The following DENND3 variants were observed in gnomAD, a reference collection of about 807,000 sequenced individuals.
DENND3 encodes DENN domain containing 3, also known as DENN domain-containing protein 3.
Under a neutral mutation model 135.1 loss-of-function variants are expected in DENND3, and 88 were observed. That is an observed-to-expected ratio of 0.65 (90% CI 0.55 to 0.78). The LOEUF (loss-of-function observed/expected upper bound fraction) is 0.78, where lower values mean the gene tolerates loss of function less well. Ranked by LOEUF, DENND3 falls within the 30% of genes least tolerant of loss-of-function variation. DENND3 has a pLI of 0.00. For missense variants in DENND3, 1,392 were observed against 1,688.4 expected (o/e 0.82, Z 3.08); for synonymous variants, 693 against 712.3 (o/e 0.97, Z 0.43).
At chr8:141,136,485 A>G in intron 1 of DENND3, 24 bp from the exon 2 acceptor site, 3 of 1,527,926 alleles carry the variant, frequency 2.0e-6, no homozygotes, top group Non-Finnish European at 2.6e-6. Flanking sequence ...CTGTGGCAGT[A>G]ACTCTTATTT....
rs79092237 is a variant in DENND3 at position 141,157,272 on chromosome 8, A to G, written c.1196+1302A>G. The G allele has an allele frequency of 3.9e-4, 382 of 982,956 alleles. 1 individual carries two copies. In the African/African-American group the frequency reaches 6.1e-3, roughly 16 times the overall value. 60.9% of individuals were successfully genotyped at this position (982,956 alleles called of 1,614,324 possible). ...CAGGGACTTTGGTCAGGGGAGGGTG[A>G]GAGGAGGTGTAATTGCTAATTACGT... On this transcript the variant is annotated intron_variant, in intron 8 of 22. Coordinates refer to ENST00000519811, the MANE Select transcript of DENND3 (RefSeq NM_001352890.3).
rs548224521 is a variant in DENND3, at chr8:141,145,677, T to C, written c.735+1418T>C. Among the ~76,000 whole-genome samples, 6 of 151,956 alleles carry C rather than the reference T, an allele frequency of 3.9e-5. 1 individual carries two copies. In the South Asian group the frequency reaches 1.2e-3, roughly 32 times the overall value. Reference sequence around the variant, plus strand: ...CTAGTGATATGTCGTGGCACTTCAGTGGTTAGCATGTCAGTTCATAGCTCC... The same window carrying C: ...CTAGTGATATGTCGTGGCACTTCAGCGGTTAGCATGTCAGTTCATAGCTCC... On this transcript the variant is annotated intron_variant, in intron 5 of 22. Transcript: ENST00000519811.
intron 5 of DENND3, chr8:141,150,372 T>G: frequency 8.1e-7 from 1 of 1,228,766 alleles, no homozygotes; most frequent in Non-Finnish European, 1.0e-6. Context: ...AAAAACGTCT[T>G]TCTTAAAATT....
In DENND3 at chr8:141,194,069, C is replaced by T; in HGVS notation, c.3673C>T (p.Pro1225Ser). 3.1e-6 allele frequency: 5 copies of T among 1,613,882 alleles called. No individual in the cohort carries two copies. Among genetic ancestry groups the T allele is most frequent in the East Asian group, 2.2e-5 (1 of 44,874 alleles). The change falls in exon 23 of 23, where the codon CCC (proline) becomes TCC (serine). Residue 1225 changes from proline (P) to serine (S), a missense_variant. Transcript: ENST00000519811. ...CAGCCGAGGGCTGGGGCAGGGAACA[C>T]CCAAGGGGAAAATCTACGTGATTGA... ...VGSRGLGQGT[P>S]KGKIYVIDAE...
At chr8:141,162,636 G>A (rs771927125) in intron 9 of DENND3, among the ~76,000 whole-genome samples, 2 of 152,078 alleles carry the variant, frequency 1.3e-5, no homozygotes, top group Non-Finnish European at 1.5e-5. Context: ...AGGAAACCGG[G>A]TACAAAGAGG....
At position 141,176,774 on chromosome 8, in the gene DENND3, G is replaced by A. The variant is rs1589679307; in HGVS notation, c.2706+13G>A. ...CGATGACCACAAGGTGGGAGACGCG[G>A]GTCCCCTCTGCCCTTTGCTGTGGCT... On this transcript the variant is annotated intron_variant, in intron 15 of 22. Coordinates refer to ENST00000519811, the MANE Select transcript of DENND3 (RefSeq NM_001352890.3). 6.2e-7 allele frequency: 1 copy of A among 1,610,934 alleles called. No homozygotes were observed. The highest frequency in any genetic ancestry group is 8.5e-7 in the Non-Finnish European group (1 of 1,178,070).
Position 141,144,083 on chromosome 8 carries a change from G to T in DENND3, c.624-65G>T. Reference sequence around the variant, plus strand: ...GGGAGATTCCAGTGTGATTAGAAACGCTAACGATGACAACTGCGTTCTCAT... The same window carrying T: ...GGGAGATTCCAGTGTGATTAGAAACTCTAACGATGACAACTGCGTTCTCAT... On this transcript the variant is annotated intron_variant, in intron 4 of 22. Transcript: ENST00000519811. The surrounding 1 kb of genome is among the most constrained non-coding windows in gnomAD (Gnocchi z 4.4). 7.2e-7 allele frequency: 1 copy of T among 1,383,388 alleles called. No individual in the cohort carries two copies. The highest frequency in any genetic ancestry group is 1.0e-6 in the Non-Finnish European group (1 of 992,742). 85.7% of individuals were successfully genotyped at this position (1,383,388 alleles called of 1,614,324 possible). A position where few individuals can be genotyped will look rare whatever the true frequency, so the allele number is the denominator to read the frequency against.
chr8:141,168,500 C>T lies in DENND3; in HGVS notation c.2250C>T (p.His750=). The T allele has an allele frequency of 6.2e-7, 1 of 1,610,756 alleles. No homozygotes were observed. Among genetic ancestry groups the T allele is most frequent in the Non-Finnish European group, 8.5e-7 (1 of 1,177,858 alleles). Reference sequence around the variant, plus strand: ...TCGTGAAGGACGCCAGCATCATACACCGGCTGTTCGAGGCCTTGACTGTAG... The same window carrying T: ...TCGTGAAGGACGCCAGCATCATACATCGGCTGTTCGAGGCCTTGACTGTAG... ...SGIVKDASII[H]RLFEALTVGQ... is the part of the protein sequence containing the mutation. The change falls in exon 13 of 23, where the codon CAC becomes CAT. Residue 750 remains histidine (H), a synonymous_variant. Coordinates refer to ENST00000519811, the MANE Select transcript of DENND3 (RefSeq NM_001352890.3). The surrounding 1 kb of genome is among the most constrained non-coding windows in gnomAD (Gnocchi z 6.2).
At chr8:141,180,634 G>T in intron 16 of DENND3, 113 bp from the exon 17 acceptor site, 4 of 1,010,418 alleles carry the variant, frequency 4.0e-6, no homozygotes, top group Non-Finnish European at 5.9e-6. Context: ...CACAAATTAG[G>T]AAGTTTTACC....
chr8:141,194,144 G>GT lies in DENND3; in HGVS notation c.3749dup (p.Arg1251GlufsTer7), dbSNP rs1825122024. On this transcript the variant is annotated frameshift_variant, in exon 23 of 23. Transcript: ENST00000519811. LOFTEE classifies it high-confidence loss of function. ...GGAGCTGGTGGCGCACATGGACACC[G>GT]TGAGGACGCTGTGCTCGGCTGAGGA... is the stretch of plus-strand genomic sequence containing the variant. 6.2e-7 allele frequency: 1 copy of GT among 1,613,800 alleles called. No individual in the cohort carries two copies. The highest frequency in any genetic ancestry group is 1.7e-5 in the Admixed American group (1 of 60,010).
chr8:141,156,353 G>A (rs562255059), intron 8 of DENND3, among the ~76,000 whole-genome samples: 4 of 152,252 alleles, frequency 2.6e-5, no homozygotes, highest in South Asian at 2.1e-4. Flanking sequence ...GCTTCCCAAA[G>A]TGCTGGGATT....
chr8:141,193,008 G>C, intron 22 of DENND3: 1 of 827,958 alleles, frequency 1.2e-6, no homozygotes, highest in Non-Finnish European at 1.7e-6. Context: ...GTGCACTCCA[G>C]GCCCTTCTCT....
chr8:141,177,136 G>A (rs1463352030), intron 15 of DENND3: 3 of 196,750 alleles, frequency 1.5e-5, no homozygotes, highest in South Asian at 1.3e-4. Context: ...TGCTCTGAGC[G>A]ACTCTTCACA....
At chr8:141,148,926 T>G (rs1334242575) in intron 5 of DENND3, among the ~76,000 whole-genome samples, 3 of 152,144 alleles carry the variant, frequency 2.0e-5, no homozygotes, top group Non-Finnish European at 4.4e-5. Flanking sequence ...TTTTTTTTTT[T>G]TTGAGAGGAG....
At chr8:141,186,892 C>T (rs1017767009) in intron 18 of DENND3, among the ~76,000 whole-genome samples, 12 of 152,160 alleles carry the variant, frequency 7.9e-5, no homozygotes, top group African/African-American at 1.9e-4. Flanking sequence ...CCCCTCCCTG[C>T]GGATCTGTGT....
chr8:141,151,362 A>C (rs307746), intron 6 of DENND3, among the ~76,000 whole-genome samples: 9,935 of 152,116 alleles, frequency 0.065, 1,092 homozygotes, highest in African/African-American at 0.23. Flanking sequence ...GAGTTTGAGA[A>C]CAGCCTGAGC....
chr8:141,173,083 A>G (rs1023321733), intron 13 of DENND3, among the ~76,000 whole-genome samples: 4 of 80,388 alleles, frequency 5.0e-5, no homozygotes, highest in Non-Finnish European at 1.0e-4. Flanking sequence ...TCTAAAACGG[A>G]AGGGAGACTC....
chr8:141,192,959 T>C (rs1824970592), intron 22 of DENND3: 1 of 1,282,882 alleles, frequency 7.8e-7, no homozygotes, highest in African/African-American at 1.5e-5. Context: ...AAAACCAAGG[T>C]GTCGGCAGAG....
intron 5 of DENND3, among the ~76,000 whole-genome samples, chr8:141,145,845 ATATATG>A (rs1818044737): frequency 2.4e-5 from 1 of 41,896 alleles, no homozygotes; most frequent in Non-Finnish European, 3.9e-5. Flanking sequence ...ATATATATAT[ATATATG>A]TATTTTTTTT....
Sources: allele counts gnomAD v4.1 joint callset (sites outside exome capture counted in the v4.1 genomes callset), GRCh38; gene constraint gnomAD v4.1.1; non-coding constraint Gnocchi (gnomAD v3.1); transcripts MANE v1.5; gene names NCBI Gene and HGNC (gene_info 2026-07-23, HGNC 2026-07-21).